ABI3BP: variants seen among roughly 807,000 people sequenced by gnomAD.
ABI3BP encodes ABI family member 3 binding protein.
In ABI3BP, 216 loss-of-function variants were observed where a neutral mutation model predicts 268.6. That is an observed-to-expected ratio of 0.80 (90% CI 0.72 to 0.90). The LOEUF is 0.90. Ranked by LOEUF, ABI3BP falls within the 40% of genes least tolerant of loss-of-function variation. The probability of loss-of-function intolerance (pLI) is 0.00; values close to 1 mark genes in which losing one functional copy is unlikely to be tolerated. For missense variants in ABI3BP, 2,090 were observed against 2,182.4 expected, an observed-to-expected ratio of 0.96 and a Z score of 0.84; for synonymous variants, 730 against 730.0, an observed-to-expected ratio of 1.00 and a Z score of 0.00.
At chr3:100,777,466 G>C (rs533031287) in intron 59 of ABI3BP, among the ~76,000 whole-genome samples, 7 of 152,104 alleles carry the variant, frequency 4.6e-5, no homozygotes, top group South Asian at 2.1e-4. Context: ...ACTGGATTTG[G>C]TTCTGGGAAT....
chr3:100,963,724 C>T (rs1182591706), intron 1 of ABI3BP, among the ~76,000 whole-genome samples: 2 of 152,208 alleles, frequency 1.3e-5, no homozygotes, highest in African/African-American at 4.8e-5. Context: ...GTCGCACTGG[C>T]CAGCTGTTAT....
At chr3:100,766,612 C>T (rs2096281437) in intron 62 of ABI3BP, among the ~76,000 whole-genome samples, 1 of 152,134 alleles carries the variant, frequency 6.6e-6, no homozygotes, top group African/African-American at 2.4e-5. Context: ...TAGAGATCTG[C>T]CTAAATTTCA....
chr3:100,926,399 T>C lies in ABI3BP; in HGVS notation c.162A>G (p.Val54=), dbSNP rs2061819916. The change falls in exon 2 of 68, where the codon GTA becomes GTG. Residue 54 remains valine, a synonymous_variant. Coordinates refer to ENST00000471714, the MANE Select transcript of ABI3BP (RefSeq NM_001375547.2). ...LLKFLRPSPN[V]KLEGLLLGYG... ...ATCCCAGGAGAAGACCTTCAAGCTT[T>C]ACATTTGGACTTGGACGCAAGAACT... 2 of 1,613,530 alleles carry C rather than the reference T, an allele frequency of 1.2e-6. No individual in the cohort carries two copies. Among genetic ancestry groups the C allele is most frequent in the East Asian group, 4.5e-5 (2 of 44,862 alleles).
At chr3:100,877,379 G>C (rs987104859) in intron 6 of ABI3BP, among the ~76,000 whole-genome samples, 2 of 152,136 alleles carry the variant, frequency 1.3e-5, no homozygotes, top group African/African-American at 4.8e-5. Context: ...AGCACAGCAA[G>C]GACTCTGATC....
chr3:100,972,299 TA>T (rs529563316), intron 1 of ABI3BP, among the ~76,000 whole-genome samples: 87 of 152,264 alleles, frequency 5.7e-4, no homozygotes, highest in African/African-American at 2.0e-3. Flanking sequence ...GATCTGCAAA[TA>T]AACTAGTGCT....
chr3:100,945,905 T>C (rs1051084127), intron 1 of ABI3BP, among the ~76,000 whole-genome samples: 2 of 152,186 alleles, frequency 1.3e-5, no homozygotes, highest in African/African-American at 2.4e-5. Flanking sequence ...CCCAAACTTT[T>C]CCAGTTTTAT....
intron 1 of ABI3BP, among the ~76,000 whole-genome samples, chr3:100,933,632 A>AATATATATATAT (rs55749258): frequency 3.4e-5 from 5 of 146,380 alleles, no homozygotes; most frequent in African/African-American, 7.5e-5. Flanking sequence ...CAATATTTGC[A>AATATATATATAT]ATATATATAT....
intron 10 of ABI3BP, among the ~76,000 whole-genome samples, chr3:100,866,463 A>C (rs2099051831): frequency 6.6e-6 from 1 of 152,208 alleles, no homozygotes; most frequent in South Asian, 2.1e-4. Context: ...AAATGATTCC[A>C]GGGTATTTTC....
intron 56 of ABI3BP, 106 bp from the exon 57 acceptor site, chr3:100,787,908 A>T (rs1577694738): frequency 1.5e-6 from 1 of 678,834 alleles, no homozygotes; most frequent in Non-Finnish European, 2.2e-6. Flanking sequence ...AATAAAAAAG[A>T]TGACTTACCA....
intron 51 of ABI3BP, among the ~76,000 whole-genome samples, chr3:100,799,731 C>T (rs1332163651): frequency 6.6e-6 from 1 of 152,168 alleles, no homozygotes; most frequent in Non-Finnish European, 1.5e-5. Flanking sequence ...TTGAATATAA[C>T]TATGCTGCCT....
intron 1 of ABI3BP, among the ~76,000 whole-genome samples, chr3:100,967,242 C>T (rs1180688625): frequency 6.6e-6 from 1 of 152,034 alleles, no homozygotes; most frequent in Non-Finnish European, 1.5e-5. Flanking sequence ...TGGCTCACAC[C>T]TGTAATCGTA....
chr3:100,816,398 A>G (rs2098046492), intron 43 of ABI3BP: 2 of 532,542 alleles, frequency 3.8e-6, no homozygotes, highest in Non-Finnish European at 6.7e-6. Context: ...AGATATAGCA[A>G]TAAATACCCA....
intron 1 of ABI3BP, among the ~76,000 whole-genome samples, chr3:100,969,037 A>G (rs73861995): frequency 0.01 from 1,529 of 152,300 alleles, 31 homozygotes; most frequent in African/African-American, 0.035. Flanking sequence ...CTGTTCACCA[A>G]TAAGGTCAGT....
At position 100,778,563 on chromosome 3, in the gene ABI3BP, G is replaced by A. The variant is rs901075656; in HGVS notation, c.4241-187C>T. On this transcript the variant is annotated intron_variant, in intron 58 of 67. Transcript: ENST00000471714. ...ATTCCTATAAATAAATGTTGGTAATGTCCCCAGGGACAACAACGCACTGTA... is the reference window on the plus strand; with the variant it reads ...ATTCCTATAAATAAATGTTGGTAATATCCCCAGGGACAACAACGCACTGTA... The A allele has an allele frequency of 4.9e-6, 3 of 609,886 alleles. No homozygotes were observed. In the African/African-American group the frequency reaches 5.6e-5, roughly 11 times the overall value. The allele number at this position is 609,886 out of a possible 1,614,324, so 37.8% of individuals were successfully genotyped here.
At chr3:100,881,247 T>C (rs1172558885) in intron 6 of ABI3BP, among the ~76,000 whole-genome samples, 3 of 152,216 alleles carry the variant, frequency 2.0e-5, no homozygotes, top group Non-Finnish European at 4.4e-5. Flanking sequence ...ACATTCACTG[T>C]ACACAGTCAT....
chr3:100,887,242 T>C, intron 4 of ABI3BP, among the ~76,000 whole-genome samples: 1 of 152,036 alleles, frequency 6.6e-6, no homozygotes, highest in Non-Finnish European at 1.5e-5. Context: ...AAGTACAGTA[T>C]ACTACTATAT....
chr3:100,907,116 A>G (rs895360113), intron 2 of ABI3BP, among the ~76,000 whole-genome samples: 2 of 152,244 alleles, frequency 1.3e-5, no homozygotes, highest in Non-Finnish European at 2.9e-5. Flanking sequence ...AGTACAAGTC[A>G]AAGTACTTAA....
At chr3:100,990,716 T>C (rs2153993309) in intron 1 of ABI3BP, among the ~76,000 whole-genome samples, 1 of 152,200 alleles carries the variant, frequency 6.6e-6, no homozygotes, top group Admixed American at 6.5e-5. Flanking sequence ...AGCATTCACA[T>C]GTACACTACA....
In ABI3BP at chr3:100,903,293, AG is replaced by A. The variant is rs1011490905; in HGVS notation, c.260-608del. ...AAATATATTTCAATGAAATGTACAT[AG>A]GGAATCTCAGGATATTTAAGTTTTA... On this transcript the variant is annotated intron_variant, in intron 2 of 67. Coordinates refer to ENST00000471714, the MANE Select transcript of ABI3BP (RefSeq NM_001375547.2). Among the ~76,000 whole-genome samples the A allele has an allele frequency of 3.3e-5, 5 of 152,246 alleles. No homozygotes were observed. The East Asian group carries it at 9.6e-4, about 29-fold the overall frequency.
Sources: allele counts gnomAD v4.1 joint callset (sites outside exome capture counted in the v4.1 genomes callset), GRCh38; gene constraint gnomAD v4.1.1; transcripts MANE v1.5; gene names NCBI Gene and HGNC (gene_info 2026-07-23, HGNC 2026-07-21).